SDHC: variants seen among roughly 807,000 people sequenced by gnomAD.
SDHC encodes succinate dehydrogenase complex subunit C.
In SDHC, 11 loss-of-function variants were observed where a neutral mutation model predicts 22.6. The ratio of observed to expected loss-of-function variants is 0.49; its 90% CI spans 0.31 to 0.81. The LOEUF (loss-of-function observed/expected upper bound fraction) is 0.81, where lower values mean the gene tolerates loss of function less well. SDHC is among the 30% of genes least tolerant of loss of function. SDHC has a pLI of 0.05. For synonymous variants in SDHC, 80 were observed against 77.8 expected (o/e 1.03, Z -0.15); for missense variants, 160 against 212.0 (o/e 0.75, Z 1.52).
At chr1:161,327,678 C>T (rs1671112033) in intron 2 of SDHC, among the ~76,000 whole-genome samples, 1 of 152,038 alleles carries the variant, frequency 6.6e-6, no homozygotes, top group Admixed American at 6.6e-5. Flanking sequence ...TCTCCTGCCT[C>T]ACCCTCCTAG....
At chr1:161,337,420 C>T (rs1032792116) in intron 3 of SDHC, among the ~76,000 whole-genome samples, 1 of 152,094 alleles carries the variant, frequency 6.6e-6, no homozygotes, top group African/African-American at 2.4e-5. Flanking sequence ...CTTTGGGTTT[C>T]CACACAGCAT....
At chr1:161,333,169 C>T (rs756372207) in intron 3 of SDHC, among the ~76,000 whole-genome samples, 13 of 152,178 alleles carry the variant, frequency 8.5e-5, no homozygotes, top group Admixed American at 2.0e-4. Context: ...TATATCAGTG[C>T]TTCCTTCCTT....
At chr1:161,356,278 C>T (rs1672267801) in intron 4 of SDHC, among the ~76,000 whole-genome samples, 1 of 152,258 alleles carries the variant, frequency 6.6e-6, no homozygotes, top group African/African-American at 2.4e-5. Flanking sequence ...GTGGCTCACA[C>T]CTGTAATCTC....
At chr1:161,343,746 A>G (rs1671798939) in intron 4 of SDHC, among the ~76,000 whole-genome samples, 1 of 152,180 alleles carries the variant, frequency 6.6e-6, no homozygotes, top group Non-Finnish European at 1.5e-5. Flanking sequence ...TTTAATCCTA[A>G]AAATCACTGA....
At chr1:161,321,272 T>C (rs1670827042) in intron 1 of SDHC, among the ~76,000 whole-genome samples, 1 of 152,238 alleles carries the variant, frequency 6.6e-6, no homozygotes, top group South Asian at 2.1e-4. Context: ...AACTAGAAAT[T>C]GTAAGTTCTG....
intron 2 of SDHC, among the ~76,000 whole-genome samples, chr1:161,327,956 C>T (rs1365617741): frequency 6.6e-6 from 1 of 151,348 alleles, no homozygotes; most frequent in Non-Finnish European, 1.5e-5. Context: ...CACTCTGGCT[C>T]TCCTAGGCTC....
At chr1:161,345,208 T>A (rs1671850455) in intron 4 of SDHC, among the ~76,000 whole-genome samples, 1 of 152,216 alleles carries the variant, frequency 6.6e-6, no homozygotes, top group Non-Finnish European at 1.5e-5. Flanking sequence ...ATTTCCTACC[T>A]GAGAGGCATT....
At chr1:161,358,032 CTTT>C (rs34253350) in intron 5 of SDHC, among the ~76,000 whole-genome samples, 8 of 104,820 alleles carry the variant, frequency 7.6e-5, no homozygotes, top group Non-Finnish European at 7.5e-5. Flanking sequence ...GGTTAGGAAT[CTTT>C]TTTTTTTTTT....
chr1:161,315,844 A>G (rs1461425228), intron 1 of SDHC, among the ~76,000 whole-genome samples: 1 of 152,092 alleles, frequency 6.6e-6, no homozygotes, highest in South Asian at 2.1e-4. Flanking sequence ...CAGCATACAG[A>G]GGATCCCCGC....
intron 3 of SDHC, among the ~76,000 whole-genome samples, chr1:161,336,873 G>GTT: frequency 1.3e-5 from 2 of 151,212 alleles, no homozygotes; most frequent in East Asian, 3.9e-4. Context: ...TTTTTTTATT[G>GTT]TTTTTTTTGC....
At chr1:161,326,621 A>C in intron 2 of SDHC, 1 of 116,528 alleles carries the variant, frequency 8.6e-6, no homozygotes, top group South Asian at 2.6e-4. Context: ...TTAATTTTTA[A>C]TTTTTTTTTT....
rs1340733198 is a variant in SDHC at position 161,328,026 on chromosome 1, A to G, written c.78-370A>G. Among the ~76,000 whole-genome samples the G allele has an allele frequency of 2.0e-4, 27 of 133,974 alleles. 1 individual carries two copies. The highest frequency in any genetic ancestry group is 7.1e-4 in the African/African-American group (25 of 35,460). 87.9% of individuals were successfully genotyped at this position (133,974 alleles called of 152,430 possible). A position where few individuals can be genotyped will look rare whatever the true frequency, so the allele number is the denominator to read the frequency against. Reference sequence around the variant, plus strand: ...CTGCAAATTTTTTTTTTTTTTTTTGAGAGAGAATTTCTTGTTGCCCAGGCT... The same window carrying G: ...CTGCAAATTTTTTTTTTTTTTTTTGGGAGAGAATTTCTTGTTGCCCAGGCT... On this transcript the variant is annotated intron_variant, in intron 2 of 5. Coordinates refer to ENST00000367975, the MANE Select transcript of SDHC (RefSeq NM_003001.5).
At chr1:161,346,480 A>T (rs561333144) in intron 4 of SDHC, among the ~76,000 whole-genome samples, 2 of 150,936 alleles carry the variant, frequency 1.3e-5, no homozygotes, top group African/African-American at 2.4e-5. Context: ...GCTCACTACA[A>T]CTCTGCCTCC....
chr1:161,323,465 C>T (rs1670915000), intron 1 of SDHC, 149 bp from the exon 2 acceptor site: 2 of 649,214 alleles, frequency 3.1e-6, no homozygotes, highest in East Asian at 2.8e-5. Flanking sequence ...TGTAGCTTTT[C>T]AACTAGAAAA....
chr1:161,331,006 A>G (rs1304514682), intron 3 of SDHC, among the ~76,000 whole-genome samples: 1 of 151,452 alleles, frequency 6.6e-6, no homozygotes, highest in Non-Finnish European at 1.5e-5. Context: ...CAAAAAAAAA[A>G]AAAAAAAAAG....
At chr1:161,316,234 C>A (rs998051853) in intron 1 of SDHC, among the ~76,000 whole-genome samples, 1 of 152,120 alleles carries the variant, frequency 6.6e-6, no homozygotes, top group African/African-American at 2.4e-5. Context: ...AGACCCTTTA[C>A]GGGGGTCTGG....
intron 4 of SDHC, among the ~76,000 whole-genome samples, chr1:161,349,372 C>T (rs146922253): frequency 1.4e-3 from 211 of 151,950 alleles, no homozygotes; most frequent in Middle Eastern, 3.4e-3. Flanking sequence ...GACTGAAGCA[C>T]GAGAATCGCT....
In SDHC at chr1:161,314,467, G is replaced by A. The variant is rs756177478; in HGVS notation, c.20+42G>A. 2 of 1,610,146 alleles carry A rather than the reference G, an allele frequency of 1.2e-6. No homozygotes were observed. Among genetic ancestry groups the A allele is most frequent in the Non-Finnish European group, 1.7e-6 (2 of 1,176,514 alleles). On this transcript the variant is annotated intron_variant, in intron 1 of 5. Transcript: ENST00000367975. ...TGGGAGTTGGTGCCTGCGGCCCTCC[G>A]GAGATCTGAACTGGCCCCTCACGTT...
intron 4 of SDHC, among the ~76,000 whole-genome samples, chr1:161,341,697 T>C (rs1671722468): frequency 6.6e-6 from 1 of 152,208 alleles, no homozygotes; most frequent in Non-Finnish European, 1.5e-5. Context: ...TTATTTAGCC[T>C]TATAGCATAC....
Sources: allele counts gnomAD v4.1 joint callset (sites outside exome capture counted in the v4.1 genomes callset), GRCh38; gene constraint gnomAD v4.1.1; transcripts MANE v1.5; gene names NCBI Gene and HGNC (gene_info 2026-07-23, HGNC 2026-07-21).